GPR155: variants seen among roughly 807,000 people sequenced by gnomAD.
The protein encoded by GPR155 is lysosomal cholesterol signaling protein.
In GPR155, 65 loss-of-function variants were observed where a neutral mutation model predicts 93.1. That is an observed-to-expected ratio of 0.70 (90% CI 0.57 to 0.86). The LOEUF is 0.86. GPR155 is among the 40% of genes least tolerant of loss of function. GPR155 has a pLI of 0.00. For missense variants in GPR155, 838 were observed against 1,034.8 expected (o/e 0.81, Z 2.61); for synonymous variants, 319 against 360.1 (o/e 0.89, Z 1.29).
chr2:174,470,427 G>GA lies in GPR155; in HGVS notation c.988_989insT (p.Ala330ValfsTer44), dbSNP rs1687960779. The GA allele has an allele frequency of 6.2e-7, 1 of 1,613,392 alleles. No individual in the cohort carries two copies. Among genetic ancestry groups the GA allele is most frequent in the Non-Finnish European group, 8.5e-7 (1 of 1,179,598 alleles). On this transcript the variant is annotated frameshift_variant, in exon 4 of 16. Coordinates refer to ENST00000392552, the MANE Select transcript of GPR155 (RefSeq NM_152529.7). LOFTEE classifies it high-confidence loss of function. Reference sequence around the variant, plus strand: ...CATGTTGAATTGTGTTGCAAAGATAGCCACTCCTGGTGCTACAGGAAATAC... The same window carrying GA: ...CATGTTGAATTGTGTTGCAAAGATAGACCACTCCTGGTGCTACAGGAAATAC...
rs563293336 is a variant in GPR155 at position 174,445,224 on chromosome 2, A to G, written c.2014-48T>C. The G allele has an allele frequency of 4.5e-6, 4 of 894,756 alleles. No homozygotes were observed. The Admixed American group carries it at 7.2e-5, about 16-fold the overall frequency. The allele number at this position is 894,756 out of a possible 1,614,324, so 55.4% of individuals were successfully genotyped here. A position where few individuals can be genotyped will look rare whatever the true frequency, so the allele number is the denominator to read the frequency against. ...TATTTTAAAATCAAGCAAGCTGATA[A>G]TTCCTCTCCATCCACAGCATAGTAC... On this transcript the variant is annotated intron_variant, in intron 12 of 15. Coordinates refer to ENST00000392552, the MANE Select transcript of GPR155 (RefSeq NM_152529.7).
intron 6 of GPR155, 52 bp from the exon 7 acceptor site, chr2:174,465,954 ATT>A (rs1344742787): frequency 5.1e-6 from 4 of 777,326 alleles, no homozygotes; most frequent in Non-Finnish European, 8.8e-6. Context: ...AAACCATATA[ATT>A]CAATACTGCA....
chr2:174,440,595 A>G (rs939649199), intron 14 of GPR155, among the ~76,000 whole-genome samples: 5 of 152,340 alleles, frequency 3.3e-5, no homozygotes, highest in Admixed American at 3.3e-4. Context: ...TGAAATGATT[A>G]TGAACCTAGC....
chr2:174,470,907 CAAAG>C (rs1020233058), intron 3 of GPR155, among the ~76,000 whole-genome samples: 14 of 150,092 alleles, frequency 9.3e-5, no homozygotes, highest in Non-Finnish European at 1.8e-4. Flanking sequence ...CTGAAATGTT[CAAAG>C]AAAGAAAGAA....
intron 10 of GPR155, among the ~76,000 whole-genome samples, chr2:174,454,453 G>C (rs1687428460): frequency 6.6e-6 from 1 of 152,036 alleles, no homozygotes; most frequent in Non-Finnish European, 1.5e-5. Flanking sequence ...AGGAACCTAA[G>C]ATCAGCCTGG....
intron 2 of GPR155, among the ~76,000 whole-genome samples, chr2:174,479,760 T>C (rs1688267798): frequency 6.6e-6 from 1 of 152,246 alleles, no homozygotes; most frequent in South Asian, 2.1e-4. Context: ...TTGAGAAATT[T>C]ACCTTATTAA....
chr2:174,443,590 A>C (rs957288853), intron 13 of GPR155, among the ~76,000 whole-genome samples: 10 of 152,158 alleles, frequency 6.6e-5, no homozygotes, highest in Admixed American at 1.3e-4. Flanking sequence ...TTAGCTGGGC[A>C]TGGTAGCAGG....
intron 2 of GPR155, among the ~76,000 whole-genome samples, chr2:174,480,817 T>C (rs1461168058): frequency 2.0e-5 from 3 of 152,184 alleles, no homozygotes; most frequent in Non-Finnish European, 2.9e-5. Flanking sequence ...TCACCCAGGC[T>C]GGAGTACAGT....
intron 11 of GPR155, among the ~76,000 whole-genome samples, chr2:174,448,150 C>T (rs980794069): frequency 6.6e-5 from 10 of 151,858 alleles, no homozygotes; most frequent in Non-Finnish European, 1.3e-4. Flanking sequence ...CTGAGATGGG[C>T]GGATCACTTG....
rs117363285 is a variant in GPR155, at chr2:174,469,142, C to A, written c.1027-75G>T. ...TTTTAAACTTTAAATAACCACGGCA[C>A]ACTAAAGCATTCTAAAATAAAAATG... On this transcript the variant is annotated intron_variant, in intron 4 of 15. Transcript: ENST00000392552. The A allele has an allele frequency of 5.2e-3, 6,493 of 1,254,126 alleles. 191 individuals carry two copies. Among genetic ancestry groups the A allele is most frequent in the East Asian group, 0.04 (1,697 of 42,044 alleles). 77.7% of individuals were successfully genotyped at this position (1,254,126 alleles called of 1,614,324 possible).
chr2:174,459,928 G>A lies in GPR155; in HGVS notation c.1721C>T (p.Pro574Leu), dbSNP rs745662483. 2.3e-5 allele frequency: 37 copies of A among 1,613,874 alleles called. No homozygotes were observed. The Admixed American group carries it at 5.8e-4, about 25-fold the overall frequency. The part of the protein sequence containing the change: ...EPGNTAFEES[P>L]APVNEPELFT... ...AAGTTCTGGTTCATTTACTGGTGCT[G>A]GACTCTCCTCAAAAGCAGTATTTCC... The change falls in exon 10 of 16, where the codon CCA becomes CTA. Residue 574 changes from proline to leucine, a missense_variant. Pro to Leu is a moderately conservative substitution (Grantham distance 98, BLOSUM62 -3). Transcript: ENST00000392552.
intron 2 of GPR155, among the ~76,000 whole-genome samples, chr2:174,477,327 A>G (rs1177466026): frequency 6.6e-6 from 1 of 152,136 alleles, no homozygotes. Context: ...CACAAAATCT[A>G]TTCTCAGCAA....
Position 174,481,877 on chromosome 2 carries a change from C to G in GPR155, c.80G>C (p.Gly27Ala), listed in dbSNP as rs377356864. Residue 27 changes from glycine (G) to alanine (A), a missense_variant, in exon 2 of 16, where the codon GGA becomes GCA. By Grantham distance (60) the Gly-to-Ala change is moderately conservative (BLOSUM62 0). Transcript: ENST00000392552. ...TKTLPTAVTHGFNSTNDPPSM... is the reference protein window; with the variant it reads ...TKTLPTAVTHAFNSTNDPPSM... ...AGGTGGGTCATTAGTGGAATTAAATCCATGCGTTACTGCTGTAGGCAAAGT... is the reference window on the plus strand; with the variant it reads ...AGGTGGGTCATTAGTGGAATTAAATGCATGCGTTACTGCTGTAGGCAAAGT... The G allele has an allele frequency of 3.7e-6, 6 of 1,613,960 alleles. No individual in the cohort carries two copies. In the African/African-American group the frequency reaches 8.0e-5, roughly 22 times the overall value.
At chr2:174,448,361 C>G (rs1443882599) in intron 11 of GPR155, among the ~76,000 whole-genome samples, 2 of 152,054 alleles carry the variant, frequency 1.3e-5, no homozygotes, top group Admixed American at 6.6e-5. Context: ...GGCAACAGAG[C>G]AAGACTGTGT....
intron 10 of GPR155, among the ~76,000 whole-genome samples, chr2:174,458,890 C>T (rs1687598894): frequency 6.6e-6 from 1 of 152,166 alleles, no homozygotes; most frequent in Non-Finnish European, 1.5e-5. Flanking sequence ...GAGTTCTAGA[C>T]CAGCCTGACC....
At chr2:174,471,227 C>CTAAG (rs1172854502) in intron 3 of GPR155, among the ~76,000 whole-genome samples, 3 of 151,642 alleles carry the variant, frequency 2.0e-5, no homozygotes, top group African/African-American at 7.3e-5. Flanking sequence ...CCCATCTCTA[C>CTAAG]TAAAGATACA....
At chr2:174,461,299 G>T in intron 9 of GPR155, 103 bp downstream of exon 9, 1 of 726,652 alleles carries the variant, frequency 1.4e-6, no homozygotes, top group South Asian at 1.7e-5. Flanking sequence ...GCAATAAATT[G>T]AAATAGATTT....
intron 11 of GPR155, among the ~76,000 whole-genome samples, chr2:174,448,539 T>G (rs1372724411): frequency 1.2e-4 from 17 of 144,288 alleles, no homozygotes; most frequent in African/African-American, 4.1e-4. Context: ...TGTTTTTTTT[T>G]TTTTTTTTTG....
intron 14 of GPR155, among the ~76,000 whole-genome samples, chr2:174,440,717 C>T (rs1484883455): frequency 6.6e-6 from 1 of 152,176 alleles, no homozygotes; most frequent in African/African-American, 2.4e-5. Context: ...CCAGTTTCTA[C>T]AAATTTTGAC....
Sources: gnomAD v4.1 joint callset for allele counts (sites outside exome capture counted in the v4.1 genomes callset) on GRCh38, gnomAD v4.1.1 for gene constraint, MANE v1.5 for transcripts, NCBI Gene and HGNC (gene_info 2026-07-23, HGNC 2026-07-21) for gene names.